The following SEMA3A variants were observed in gnomAD, a reference collection of about 807,000 sequenced individuals.
SEMA3A encodes the protein semaphorin 3A.
Under a neutral mutation model 97.9 loss-of-function variants are expected in SEMA3A, and 29 were observed. That is an observed-to-expected ratio of 0.30 (90% CI 0.22 to 0.40). The LOEUF (loss-of-function observed/expected upper bound fraction) is 0.40, where lower values mean the gene tolerates loss of function less well. SEMA3A is among the 10% of genes least tolerant of loss of function. The pLI, the probability that SEMA3A is intolerant of heterozygous loss-of-function variation, is 1.00. For missense variants in SEMA3A, 763 were observed against 951.3 expected (o/e 0.80, Z 2.60); for synonymous variants, 321 against 323.7 (o/e 0.99, Z 0.09).
In SEMA3A at chr7:84,149,311, A is replaced by C. The variant is rs140337006; in HGVS notation, c.113-14360T>G. Among the ~76,000 whole-genome samples, 438 of 152,336 alleles carry C rather than the reference A, an allele frequency of 2.9e-3. 2 individuals are homozygous for C. The highest frequency in any genetic ancestry group is 0.01 in the African/African-American group (425 of 41,578). On this transcript the variant is annotated intron_variant, in intron 1 of 16. Transcript: ENST00000265362. The stretch of plus-strand genomic sequence containing the variant: ...TTTTGTTTCCAAATAGTTTCTTGCT[A>C]TTAATGTAATTGTCTACAATTGGGT...
At chr7:84,429,541 T>TAGAGAGAG (rs1462659214) in intron 1 of SEMA3A, among the ~76,000 whole-genome samples, 3 of 120,704 alleles carry the variant, frequency 2.5e-5, no homozygotes, top group African/African-American at 9.4e-5. Flanking sequence ...TATATATATA[T>TAGAGAGAG]ATATATAGCG....
chr7:84,113,698 T>C (rs1562790493), intron 3 of SEMA3A, among the ~76,000 whole-genome samples: 1 of 152,176 alleles, frequency 6.6e-6, no homozygotes, highest in Non-Finnish European at 1.5e-5. Flanking sequence ...CAGACAAGTT[T>C]AGCAACAAGT....
intron 4 of SEMA3A, among the ~76,000 whole-genome samples, chr7:84,081,960 C>T (rs1441993798): frequency 6.6e-6 from 1 of 152,044 alleles, no homozygotes; most frequent in African/African-American, 2.4e-5. Context: ...AATAAAGAAA[C>T]ATTTAATTAT....
intron 4 of SEMA3A, among the ~76,000 whole-genome samples, chr7:84,086,073 A>G (rs1200532230): frequency 6.6e-6 from 1 of 152,100 alleles, no homozygotes; most frequent in Non-Finnish European, 1.5e-5. Context: ...TGTTGCTATT[A>G]TAACTTCTCT....
At chr7:84,268,209 C>A (rs1015724136) in intron 3 of SEMA3A, among the ~76,000 whole-genome samples, 1 of 149,572 alleles carries the variant, frequency 6.7e-6, no homozygotes, top group Non-Finnish European at 1.5e-5. Flanking sequence ...GAAGGGGCAC[C>A]AAACTGAGCA....
chr7:84,003,496 C>T (rs2116392061), intron 11 of SEMA3A, among the ~76,000 whole-genome samples: 1 of 152,224 alleles, frequency 6.6e-6, no homozygotes, highest in African/African-American at 2.4e-5. Context: ...TGACAGATGA[C>T]CTTGGTCTGT....
At chr7:83,963,079 C>T (rs1463232507) in intron 16 of SEMA3A, 126 bp downstream of exon 16, 19 of 969,244 alleles carry the variant, frequency 2.0e-5, no homozygotes, top group South Asian at 7.3e-5. Flanking sequence ...AATGAATGAG[C>T]GATTGATTGG....
Position 84,417,590 on chromosome 7 carries a change from C to T in SEMA3A, c.-245-45690G>A, listed in dbSNP as rs376683499. Among the ~76,000 whole-genome samples the T allele has an allele frequency of 3.3e-5, 5 of 151,868 alleles. No individual in the cohort carries two copies. The East Asian group carries it at 7.7e-4, about 23-fold the overall frequency. Reference sequence around the variant, plus strand: ...TGACTTTACCTAATACTATGGAAAACGTATTTATTGCTTGAATTATGCAAA... The same window carrying T: ...TGACTTTACCTAATACTATGGAAAATGTATTTATTGCTTGAATTATGCAAA... On this transcript the variant is annotated intron_variant, in intron 1 of 3. Transcript: ENST00000424555.
intron 1 of SEMA3A, among the ~76,000 whole-genome samples, chr7:84,490,911 T>TC (rs1806708331): frequency 6.6e-6 from 1 of 152,152 alleles, no homozygotes; most frequent in Admixed American, 6.6e-5. Flanking sequence ...TTAGAATCTC[T>TC]CCCTGTAGGG....
intron 3 of SEMA3A, among the ~76,000 whole-genome samples, chr7:84,255,706 A>T (rs1799703369): frequency 6.6e-6 from 1 of 152,026 alleles, no homozygotes; most frequent in South Asian, 2.1e-4. Context: ...CAGCCTCATT[A>T]TGAGAGCTGA....
intron 3 of SEMA3A, among the ~76,000 whole-genome samples, chr7:84,113,125 A>G (rs1032509407): frequency 2.6e-5 from 4 of 152,252 alleles, no homozygotes; most frequent in Non-Finnish European, 4.4e-5. Flanking sequence ...GGATATAAAG[A>G]TGCTTGAAAT....
intron 3 of SEMA3A, among the ~76,000 whole-genome samples, chr7:84,222,878 A>G (rs1213760682): frequency 1.3e-5 from 2 of 151,868 alleles, no homozygotes; most frequent in African/African-American, 4.8e-5. Flanking sequence ...ATACATAGAA[A>G]CTTGCTCATT....
At chr7:84,131,049 G>A (rs1280203980) in intron 2 of SEMA3A, among the ~76,000 whole-genome samples, 1 of 151,774 alleles carries the variant, frequency 6.6e-6, no homozygotes, top group Non-Finnish European at 1.5e-5. Context: ...TAATATTCAT[G>A]CTAAAAATTC....
intron 2 of SEMA3A, among the ~76,000 whole-genome samples, chr7:84,359,716 G>C (rs1584263523): frequency 6.6e-6 from 1 of 151,986 alleles, no homozygotes; most frequent in East Asian, 1.9e-4. Flanking sequence ...AGGAATGGGA[G>C]GAGCTCCTCC....
intron 1 of SEMA3A, among the ~76,000 whole-genome samples, chr7:84,419,635 A>G (rs931706470): frequency 2.6e-5 from 4 of 152,082 alleles, no homozygotes; most frequent in Admixed American, 2.0e-4. Flanking sequence ...AAAAGTGCCT[A>G]TGTACACTGG....
intron 3 of SEMA3A, among the ~76,000 whole-genome samples, chr7:84,247,396 T>C (rs1412398840): frequency 1.3e-5 from 2 of 152,048 alleles, no homozygotes; most frequent in African/African-American, 2.4e-5. Flanking sequence ...TTTAGAAAAA[T>C]TGAAAAAATG....
chr7:84,376,495 T>C (rs573204008), intron 1 of SEMA3A, among the ~76,000 whole-genome samples: 2 of 138,724 alleles, frequency 1.4e-5, no homozygotes, highest in Non-Finnish European at 3.1e-5. Context: ...TCCCAGCTAC[T>C]TGGGAGGCTG....
intron 15 of SEMA3A, among the ~76,000 whole-genome samples, chr7:83,965,478 T>G (rs1788635020): frequency 6.6e-6 from 1 of 150,624 alleles, no homozygotes; most frequent in South Asian, 2.1e-4. Flanking sequence ...CTAAAGCTAC[T>G]AAAGAAAACT....
intron 3 of SEMA3A, among the ~76,000 whole-genome samples, chr7:84,214,058 C>T (rs1171873783): frequency 1.3e-5 from 2 of 152,170 alleles, no homozygotes; most frequent in Non-Finnish European, 2.9e-5. Context: ...TAAGAATAAA[C>T]ATTGCAATTG....
Sources: gnomAD v4.1 joint callset for allele counts (sites outside exome capture counted in the v4.1 genomes callset) on GRCh38, gnomAD v4.1.1 for gene constraint, MANE v1.5 for transcripts, NCBI Gene and HGNC (gene_info 2026-07-23, HGNC 2026-07-21) for gene names.